The following SLC26A7 variants were observed in gnomAD, a reference collection of about 807,000 sequenced individuals.
The protein encoded by SLC26A7 is anion exchange transporter.
In SLC26A7, 59 loss-of-function variants were observed where a neutral mutation model predicts 82.5. That is an observed-to-expected ratio of 0.72 (90% confidence interval 0.58 to 0.89). The LOEUF (loss-of-function observed/expected upper bound fraction) is 0.89, where lower values mean the gene tolerates loss of function less well. SLC26A7 is among the 40% of genes least tolerant of loss of function. The probability of loss-of-function intolerance (pLI) is 0.00; values close to 1 mark genes in which losing one functional copy is unlikely to be tolerated. For synonymous variants in SLC26A7, 271 were observed against 274.3 expected, an observed-to-expected ratio of 0.99 and a Z score of 0.12; for missense variants, 820 against 793.0, an observed-to-expected ratio of 1.03 and a Z score of -0.41.
In SLC26A7 at chr8:91,334,561, C is replaced by T. The variant is rs1813188813; in HGVS notation, c.795+114C>T. On this transcript the variant is annotated intron_variant, in intron 6 of 18. Transcript: ENST00000276609. ...GTAACCCTCAGCTACTCCTGTCTCT[C>T]ATTAAAGCAGGGCTAATTTGCATGG... 8 of 887,924 alleles carry T rather than the reference C, an allele frequency of 9.0e-6. No homozygotes were observed. In the South Asian group the frequency reaches 1.9e-4, roughly 21 times the overall value. The allele number at this position is 887,924 out of a possible 1,614,324, so 55.0% of individuals were successfully genotyped here.
intron 2 of SLC26A7, among the ~76,000 whole-genome samples, chr8:91,277,545 T>A (rs570270154): frequency 1.3e-5 from 2 of 152,320 alleles, no homozygotes; most frequent in African/African-American, 4.8e-5. Flanking sequence ...GCAATATGTT[T>A]ACAATCTGGC....
At chr8:91,390,823 C>T (rs1814945887) in intron 16 of SLC26A7, among the ~76,000 whole-genome samples, 1 of 152,160 alleles carries the variant, frequency 6.6e-6, no homozygotes, top group Admixed American at 6.5e-5. Context: ...AGAAAGCTGC[C>T]ATGATCGGAG....
chr8:91,383,659 T>A (rs780727335), intron 15 of SLC26A7, among the ~76,000 whole-genome samples: 2 of 152,210 alleles, frequency 1.3e-5, no homozygotes, highest in Non-Finnish European at 2.9e-5. Context: ...CATCTTCCAT[T>A]ACCACTTTTA....
At chr8:91,234,791 C>CCCTA (rs68154003) in intron 2 of SLC26A7, among the ~76,000 whole-genome samples, 14,409 of 120,662 alleles carry the variant, frequency 0.12, 1,200 homozygotes, top group South Asian at 0.2. Flanking sequence ...TTCCCTCCCT[C>CCCTA]CCTACCTACC....
intron 11 of SLC26A7, among the ~76,000 whole-genome samples, chr8:91,356,178 G>A (rs111806532): frequency 1.4e-4 from 21 of 152,194 alleles, no homozygotes; most frequent in African/African-American, 2.7e-4. Context: ...GAATAGTGCC[G>A]CAATAAACAT....
intron 2 of SLC26A7, among the ~76,000 whole-genome samples, chr8:91,263,821 CTG>C (rs975146867): frequency 3.4e-4 from 52 of 152,146 alleles, no homozygotes; most frequent in African/African-American, 1.2e-3. Flanking sequence ...ATGTTAAACT[CTG>C]AGATCTGTAG....
chr8:91,333,263 T>A (rs1282910298), intron 5 of SLC26A7, among the ~76,000 whole-genome samples: 1 of 152,188 alleles, frequency 6.6e-6, no homozygotes, highest in Non-Finnish European at 1.5e-5. Flanking sequence ...TGATCCTACC[T>A]TTTCTGCCAC....
chr8:91,336,511 C>T (rs922232518), intron 6 of SLC26A7, among the ~76,000 whole-genome samples: 1 of 151,776 alleles, frequency 6.6e-6, no homozygotes, highest in Non-Finnish European at 1.5e-5. Context: ...CAAACCATCT[C>T]CCCCCTCCTC....
intron 4 of SLC26A7, among the ~76,000 whole-genome samples, chr8:91,306,194 G>A (rs978586444): frequency 6.6e-6 from 1 of 152,004 alleles, no homozygotes; most frequent in African/African-American, 2.4e-5. Flanking sequence ...CTTTCTAATG[G>A]TTTTCCTCCT....
chr8:91,223,567 TC>T (rs1222468345), intron 2 of SLC26A7, among the ~76,000 whole-genome samples: 3 of 152,344 alleles, frequency 2.0e-5, no homozygotes, highest in Admixed American at 2.0e-4. Flanking sequence ...CTGAAGGGCT[TC>T]CCTTTGTAAG....
chr8:91,251,472 T>G (rs1810654945), intron 2 of SLC26A7, among the ~76,000 whole-genome samples: 1 of 152,098 alleles, frequency 6.6e-6, no homozygotes, highest in Non-Finnish European at 1.5e-5. Flanking sequence ...CGTTTTTGTT[T>G]GTGAAATTTA....
At chr8:91,319,614 G>C (rs1044683855) in intron 5 of SLC26A7, among the ~76,000 whole-genome samples, 7 of 152,228 alleles carry the variant, frequency 4.6e-5, no homozygotes, top group Non-Finnish European at 7.3e-5. Context: ...CCAAGCTCCA[G>C]CTCAAACAAA....
upstream of SLC26A7, among the ~76,000 whole-genome samples, chr8:91,245,665 A>G (rs1810535588): frequency 1.3e-5 from 2 of 152,170 alleles, no homozygotes; most frequent in South Asian, 4.1e-4. Context: ...AGGTGTCCCA[A>G]TCTCCACAGA....
At chr8:91,306,802 A>G (rs1812321600) in intron 4 of SLC26A7, among the ~76,000 whole-genome samples, 1 of 151,838 alleles carries the variant, frequency 6.6e-6, no homozygotes, top group Non-Finnish European at 1.5e-5. Flanking sequence ...CTGGAACTCC[A>G]GGGCTCAAGT....
chr8:91,329,070 C>G (rs1813008348), intron 5 of SLC26A7, among the ~76,000 whole-genome samples: 1 of 152,128 alleles, frequency 6.6e-6, no homozygotes, highest in African/African-American at 2.4e-5. Flanking sequence ...ATTATCTTTG[C>G]TTCTCTGAGA....
chr8:91,360,212 T>C (rs1586452774), intron 11 of SLC26A7, among the ~76,000 whole-genome samples: 1 of 152,082 alleles, frequency 6.6e-6, no homozygotes, highest in African/African-American at 2.4e-5. Context: ...GGAAATGAGG[T>C]AATTTAGTAG....
chr8:91,255,073 T>C (rs763191023), intron 2 of SLC26A7, among the ~76,000 whole-genome samples: 16 of 152,054 alleles, frequency 1.1e-4, no homozygotes, highest in Non-Finnish European at 1.9e-4. Flanking sequence ...AACTCAAGCA[T>C]TGAGACAGAG....
At chr8:91,306,051 A>C (rs750826886) in intron 4 of SLC26A7, among the ~76,000 whole-genome samples, 1 of 152,148 alleles carries the variant, frequency 6.6e-6, no homozygotes, top group African/African-American at 2.4e-5. Context: ...ACAGTGGACT[A>C]TATTCTGACC....
At chr8:91,270,134 T>G (rs890538358) in intron 2 of SLC26A7, among the ~76,000 whole-genome samples, 1 of 152,214 alleles carries the variant, frequency 6.6e-6, no homozygotes, top group African/African-American at 2.4e-5. Context: ...GGTCTTATAT[T>G]TCTGTGAGTT....
Sources: gnomAD v4.1 joint callset for allele counts (sites outside exome capture counted in the v4.1 genomes callset) on GRCh38, gnomAD v4.1.1 for gene constraint, MANE v1.5 for transcripts, NCBI Gene and HGNC (gene_info 2026-07-23, HGNC 2026-07-21) for gene names.